PRDM5: variants seen among roughly 807,000 people sequenced by gnomAD.
PRDM5 encodes PR/SET domain 5.
In PRDM5, 56 loss-of-function variants were observed where a neutral mutation model predicts 81.2. The observed-to-expected ratio is 0.69, with a 90% confidence interval of 0.56 to 0.86. The LOEUF (loss-of-function observed/expected upper bound fraction) is 0.86. Ranked by LOEUF, PRDM5 falls within the 40% of genes least tolerant of loss-of-function variation. PRDM5 has a pLI of 0.00. For missense variants in PRDM5, 697 were observed against 770.1 expected (o/e 0.91, Z 1.12); for synonymous variants, 267 against 256.4 (o/e 1.04, Z -0.39).
intron 3 of PRDM5, chr4:120,837,216 A>C (rs1757462992): frequency 6.6e-6 from 1 of 152,352 alleles, no homozygotes; most frequent in African/African-American, 2.4e-5. Flanking sequence ...TTAATCTCTG[A>C]GGTGCCTGCT....
chr4:120,867,781 AC>A (rs1349188196), intron 2 of PRDM5, among the ~76,000 whole-genome samples: 1 of 152,246 alleles, frequency 6.6e-6, no homozygotes, highest in Non-Finnish European at 1.5e-5. Flanking sequence ...TTACAAAGTG[AC>A]AAAAACACCT....
intron 14 of PRDM5, among the ~76,000 whole-genome samples, chr4:120,747,790 G>C (rs1312953966): frequency 6.6e-6 from 1 of 152,156 alleles, no homozygotes; most frequent in Non-Finnish European, 1.5e-5. Flanking sequence ...GAACTAATTT[G>C]GCTGTTTCTG....
downstream of PRDM5, among the ~76,000 whole-genome samples, chr4:120,691,685 G>C (rs901313295): frequency 6.6e-6 from 1 of 152,044 alleles, no homozygotes; most frequent in Non-Finnish European, 1.5e-5. Context: ...AATGAGAAGA[G>C]AGGCAAGGAA....
intron 2 of PRDM5, among the ~76,000 whole-genome samples, chr4:120,861,895 A>C (rs1397772): frequency 1.3e-5 from 2 of 152,010 alleles, no homozygotes; most frequent in East Asian, 3.9e-4. Context: ...AAAGAACATC[A>C]TGTAATCCAC....
At chr4:120,889,922 C>T (rs899183369) in intron 2 of PRDM5, among the ~76,000 whole-genome samples, 2 of 152,124 alleles carry the variant, frequency 1.3e-5, no homozygotes, top group Admixed American at 1.3e-4. Flanking sequence ...CCATAGTGTA[C>T]ATTTTCTTTA....
intron 13 of PRDM5, among the ~76,000 whole-genome samples, chr4:120,769,871 T>C (rs1390937677): frequency 2.0e-5 from 3 of 152,200 alleles, no homozygotes; most frequent in Non-Finnish European, 4.4e-5. Context: ...GAAGTCTTCC[T>C]GTTGAAAGAA....
intron 13 of PRDM5, among the ~76,000 whole-genome samples, chr4:120,774,100 A>C (rs1199151501): frequency 6.6e-6 from 1 of 152,216 alleles, no homozygotes; most frequent in African/African-American, 2.4e-5. Flanking sequence ...CATAAATAAA[A>C]GCTTTCCAGA....
chr4:120,731,157 T>C (rs1036096069), intron 14 of PRDM5, among the ~76,000 whole-genome samples: 1 of 152,152 alleles, frequency 6.6e-6, no homozygotes, highest in Admixed American at 6.5e-5. Context: ...CACCGTGTGC[T>C]AGGCAGTCAG....
chr4:120,752,990 G>GTC (rs1561093407), intron 14 of PRDM5, among the ~76,000 whole-genome samples: 1 of 152,126 alleles, frequency 6.6e-6, no homozygotes, highest in Admixed American at 6.5e-5. Context: ...AATTGGAAAT[G>GTC]TCTCACCTTC....
chr4:120,833,695 G>A (rs1756990732), intron 3 of PRDM5, among the ~76,000 whole-genome samples: 1 of 152,106 alleles, frequency 6.6e-6, no homozygotes, highest in African/African-American at 2.4e-5. Flanking sequence ...TTAAATTTGT[G>A]GATAGAAGAC....
chr4:120,812,672 A>G, intron 7 of PRDM5: 1 of 259,860 alleles, frequency 3.8e-6, no homozygotes, highest in Non-Finnish European at 7.4e-6. Flanking sequence ...CTGGTTATTA[A>G]TCACTTGTCA....
At chr4:120,753,921 T>G (rs1294311921) in intron 14 of PRDM5, among the ~76,000 whole-genome samples, 1 of 152,130 alleles carries the variant, frequency 6.6e-6, no homozygotes, top group Non-Finnish European at 1.5e-5. Flanking sequence ...TGATGGTGAG[T>G]AAGCTGCTTA....
At chr4:120,904,289 G>A (rs1297224273) in intron 2 of PRDM5, among the ~76,000 whole-genome samples, 1 of 148,254 alleles carries the variant, frequency 6.7e-6, no homozygotes, top group African/African-American at 2.5e-5. Context: ...TACAATGGCT[G>A]ACAATCCGAA....
At chr4:120,744,164 G>T (rs146913706) in intron 14 of PRDM5, among the ~76,000 whole-genome samples, 1 of 151,440 alleles carries the variant, frequency 6.6e-6, no homozygotes, top group Non-Finnish European at 1.5e-5. Context: ...ACTGAACAAC[G>T]TGCTCCTGAA....
chr4:120,834,724 G>A (rs868168212), intron 3 of PRDM5, among the ~76,000 whole-genome samples: 1 of 152,120 alleles, frequency 6.6e-6, no homozygotes, highest in Non-Finnish European at 1.5e-5. Context: ...CCTAAAAAGT[G>A]TAGGTGGGCC....
chr4:120,854,458 CA>C (rs1313089780), intron 2 of PRDM5, among the ~76,000 whole-genome samples: 14 of 152,126 alleles, frequency 9.2e-5, no homozygotes, highest in African/African-American at 3.4e-4. Context: ...GTTACAAATT[CA>C]CCTTGGCAGA....
chr4:120,696,158 G>A (rs888357784), intron 15 of PRDM5, among the ~76,000 whole-genome samples: 1 of 152,088 alleles, frequency 6.6e-6, no homozygotes, highest in Non-Finnish European at 1.5e-5. Context: ...AATTGGGTAA[G>A]AAGGGGGTAA....
At chr4:120,735,176 A>G (rs1308016338) in intron 14 of PRDM5, among the ~76,000 whole-genome samples, 1 of 152,200 alleles carries the variant, frequency 6.6e-6, no homozygotes, top group Non-Finnish European at 1.5e-5. Context: ...CCTAAGATCA[A>G]TTCTTTTGCT....
At chr4:120,729,642 T>C (rs1561000040) in intron 14 of PRDM5, among the ~76,000 whole-genome samples, 1 of 152,166 alleles carries the variant, frequency 6.6e-6, no homozygotes, top group East Asian at 1.9e-4. Context: ...GAAACTACAA[T>C]ACAAGGAATT....
Sources: allele counts gnomAD v4.1 joint callset (sites outside exome capture counted in the v4.1 genomes callset), GRCh38; gene constraint gnomAD v4.1.1; transcripts MANE v1.5; gene names NCBI Gene and HGNC (gene_info 2026-07-23, HGNC 2026-07-21).